Variants in PARD3B observed in about 807,000 individuals in gnomAD.
The protein encoded by PARD3B is par-3 family cell polarity regulator beta, also known as partitioning defective 3 homolog B.
Under a neutral mutation model 130.2 loss-of-function variants are expected in PARD3B, and 103 were observed. The ratio of observed to expected loss-of-function variants is 0.79; its 90% confidence interval spans 0.67 to 0.93. The LOEUF is 0.93. Ranked by LOEUF, PARD3B falls within the 40% of genes least tolerant of loss-of-function variation. The probability of loss-of-function intolerance (pLI) is 0.00; values close to 1 mark genes in which losing one functional copy is unlikely to be tolerated. For missense variants in PARD3B, 1,609 were observed against 1,499.2 expected, an observed-to-expected ratio of 1.07 and a Z score of -1.21; for synonymous variants, 583 against 553.2, an observed-to-expected ratio of 1.05 and a Z score of -0.76.
chr2:205,115,170 T>G (rs1703939186), intron 6 of PARD3B, among the ~76,000 whole-genome samples: 1 of 152,148 alleles, frequency 6.6e-6, no homozygotes, highest in African/African-American at 2.4e-5. Flanking sequence ...AGATCAGAAA[T>G]CACATTCTCT....
At chr2:204,727,450 T>A (rs2039287173) in intron 2 of PARD3B, among the ~76,000 whole-genome samples, 1 of 152,184 alleles carries the variant, frequency 6.6e-6, no homozygotes, top group Non-Finnish European at 1.5e-5. Context: ...TTTTCTATAA[T>A]TTTACCATAG....
At chr2:204,775,142 C>G (rs2041564568) in intron 2 of PARD3B, among the ~76,000 whole-genome samples, 1 of 152,034 alleles carries the variant, frequency 6.6e-6, no homozygotes, top group Non-Finnish European at 1.5e-5. Context: ...TGTTGGGTAA[C>G]TTAAAAATCC....
intron 20 of PARD3B, among the ~76,000 whole-genome samples, chr2:205,466,669 A>G (rs2048633681): frequency 6.6e-6 from 1 of 152,210 alleles, no homozygotes; most frequent in African/African-American, 2.4e-5. Flanking sequence ...ATTATGCTCA[A>G]AAGATGTACT....
chr2:204,640,193 G>A (rs181087803), intron 1 of PARD3B, among the ~76,000 whole-genome samples: 87 of 152,204 alleles, frequency 5.7e-4, no homozygotes, highest in African/African-American at 1.8e-3. Flanking sequence ...GAGGTTGAGG[G>A]TGCAGTGAGC....
intron 10 of PARD3B, among the ~76,000 whole-genome samples, chr2:205,148,878 C>T (rs912683161): frequency 2.6e-5 from 4 of 152,110 alleles, no homozygotes; most frequent in Non-Finnish European, 1.5e-5. Context: ...AGAGGTTGCT[C>T]GTGCTGAGCC....
At chr2:205,472,728 C>T (rs1378914409) in intron 20 of PARD3B, among the ~76,000 whole-genome samples, 1 of 152,090 alleles carries the variant, frequency 6.6e-6, no homozygotes, top group African/African-American at 2.4e-5. Flanking sequence ...CTGTAGTACA[C>T]CATTTGAAGC....
intron 1 of PARD3B, among the ~76,000 whole-genome samples, chr2:204,645,610 T>TAAC (rs2035244718): frequency 6.6e-6 from 1 of 152,096 alleles, no homozygotes; most frequent in Non-Finnish European, 1.5e-5. Context: ...AGCTGTCAAG[T>TAAC]TGTGGTGTCA....
At chr2:204,666,366 G>C (rs533362366) in intron 1 of PARD3B, among the ~76,000 whole-genome samples, 2 of 152,254 alleles carry the variant, frequency 1.3e-5, no homozygotes, top group Non-Finnish European at 2.9e-5. Context: ...TATTAAACTA[G>C]AGAGGGAAAA....
At chr2:204,891,598 A>G (rs975706135) in intron 2 of PARD3B, among the ~76,000 whole-genome samples, 5 of 152,196 alleles carry the variant, frequency 3.3e-5, no homozygotes, top group Non-Finnish European at 5.9e-5. Flanking sequence ...ATATTGCTTT[A>G]TTAAGAGATG....
intron 2 of PARD3B, among the ~76,000 whole-genome samples, chr2:204,818,643 GA>G (rs2043226839): frequency 6.6e-6 from 1 of 152,152 alleles, no homozygotes; most frequent in Non-Finnish European, 1.5e-5. Context: ...ATAATTATCA[GA>G]ATGAAGTTGA....
intron 2 of PARD3B, among the ~76,000 whole-genome samples, chr2:204,715,701 C>T (rs529309728): frequency 1.3e-5 from 2 of 152,268 alleles, no homozygotes; most frequent in East Asian, 3.9e-4. Flanking sequence ...GGCTGCTTGG[C>T]TCTTTGCAGC....
chr2:204,743,806 C>A (rs2125369349), intron 2 of PARD3B, among the ~76,000 whole-genome samples: 1 of 152,212 alleles, frequency 6.6e-6, no homozygotes, highest in South Asian at 2.1e-4. Flanking sequence ...AAGTTTCATC[C>A]CCCTAATGCT....
At chr2:204,894,098 T>C (rs1324735365) in intron 2 of PARD3B, among the ~76,000 whole-genome samples, 5 of 152,098 alleles carry the variant, frequency 3.3e-5, no homozygotes, top group Admixed American at 3.3e-4. Context: ...GTGTGGTTTG[T>C]AGTAAAATTT....
chr2:204,804,505 T>C (rs1033777563), intron 2 of PARD3B, among the ~76,000 whole-genome samples: 1 of 152,138 alleles, frequency 6.6e-6, no homozygotes, highest in East Asian at 1.9e-4. Flanking sequence ...AAAGCAAATA[T>C]TACTGTAGTG....
chr2:205,215,507 G>A (rs150012254), intron 15 of PARD3B, among the ~76,000 whole-genome samples: 30 of 151,912 alleles, frequency 2.0e-4, no homozygotes, highest in African/African-American at 7.0e-4. Context: ...ATTTCAATTC[G>A]GAATTGGAAA....
chr2:205,593,950 A>G (rs897533710), intron 22 of PARD3B, among the ~76,000 whole-genome samples: 5 of 152,006 alleles, frequency 3.3e-5, no homozygotes, highest in Non-Finnish European at 7.4e-5. Flanking sequence ...CATTTCATCC[A>G]CTCTTATGAG....
rs141216674 is a variant in PARD3B, at chr2:205,577,065, T to C, written c.3260+23662T>C. ...TTGAGGGGGGCTTATATAAATGGTA[T>C]TGTGTTTCTAATTTTAATTGCACTT... On this transcript the variant is annotated intron_variant, in intron 22 of 22. Coordinates refer to ENST00000406610, the MANE Select transcript of PARD3B (RefSeq NM_001302769.2). Among the ~76,000 whole-genome samples, 1,134 of 152,310 alleles carry C rather than the reference T, an allele frequency of 7.4e-3. 18 individuals carry two copies. Among genetic ancestry groups the C allele is most frequent in the African/African-American group, 0.026 (1,064 of 41,572 alleles).
At chr2:205,420,299 A>G (rs772447460) in intron 19 of PARD3B, among the ~76,000 whole-genome samples, 2 of 152,226 alleles carry the variant, frequency 1.3e-5, no homozygotes, top group Admixed American at 6.5e-5. Context: ...AACAATTGCT[A>G]TGTACGTGCC....
intron 15 of PARD3B, among the ~76,000 whole-genome samples, chr2:205,222,202 A>T (rs1440663015): frequency 1.3e-5 from 2 of 151,850 alleles, no homozygotes; most frequent in Non-Finnish European, 2.9e-5. Context: ...AGAAACACAT[A>T]TGCTGTTTCA....
Sources: allele counts gnomAD v4.1 joint callset (sites outside exome capture counted in the v4.1 genomes callset), GRCh38; gene constraint gnomAD v4.1.1; transcripts MANE v1.5; gene names NCBI Gene and HGNC (gene_info 2026-07-23, HGNC 2026-07-21).